Variants in YIPF1 observed in about 807,000 individuals in gnomAD.
YIPF1 encodes Yip1 domain family member 1.
YIPF1 carries 22 observed loss-of-function variants against 37.0 expected under a neutral mutation model. The ratio of observed to expected loss-of-function variants is 0.59; its 90% CI spans 0.42 to 0.85. YIPF1 has a LOEUF of 0.85. Among genes scored for constraint, YIPF1 ranks in the 40% least tolerant of loss-of-function variants. The probability of loss-of-function intolerance (pLI) is 0.00; values close to 1 mark genes in which losing one functional copy is unlikely to be tolerated. For missense variants in YIPF1, 355 were observed against 373.1 expected, an observed-to-expected ratio of 0.95 and a Z score of 0.40; for synonymous variants, 128 against 131.9, an observed-to-expected ratio of 0.97 and a Z score of 0.21.
At chr1:53,863,792 T>C (rs1445967648) in intron 9 of YIPF1, among the ~76,000 whole-genome samples, 2 of 152,064 alleles carry the variant, frequency 1.3e-5, no homozygotes, top group African/African-American at 4.8e-5. Flanking sequence ...CAGGCTGGAG[T>C]GCAGTGGCGC....
At chr1:53,874,230 G>A (rs1020444414) in intron 6 of YIPF1, among the ~76,000 whole-genome samples, 1 of 152,098 alleles carries the variant, frequency 6.6e-6, no homozygotes, top group Admixed American at 6.6e-5. Flanking sequence ...GTGGAAGGCT[G>A]GACTCCAGAG....
chr1:53,863,277 G>A (rs1424280506), intron 9 of YIPF1, among the ~76,000 whole-genome samples: 3 of 152,232 alleles, frequency 2.0e-5, no homozygotes, highest in Middle Eastern at 3.4e-3. Flanking sequence ...AACAAGGAAG[G>A]GCATTGTCAT....
intron 3 of YIPF1, among the ~76,000 whole-genome samples, chr1:53,887,256 T>C (rs1277933463): frequency 6.6e-6 from 1 of 151,870 alleles, no homozygotes; most frequent in Non-Finnish European, 1.5e-5. Flanking sequence ...ATTTTTGTAT[T>C]TTTAGTGGAG....
chr1:53,863,341 C>T (rs985184896), intron 9 of YIPF1, among the ~76,000 whole-genome samples: 2 of 152,304 alleles, frequency 1.3e-5, no homozygotes, highest in South Asian at 4.1e-4. Flanking sequence ...GACCTTGGAC[C>T]ACTCTTACTT....
chr1:53,873,948 C>A (rs775341590), intron 6 of YIPF1, among the ~76,000 whole-genome samples: 1 of 152,188 alleles, frequency 6.6e-6, no homozygotes, highest in East Asian at 1.9e-4. Flanking sequence ...AACTCTGGCA[C>A]GGGAACAGCT....
At chr1:53,852,691 T>C (rs1249020362) in intron 10 of YIPF1, among the ~76,000 whole-genome samples, 1 of 152,014 alleles carries the variant, frequency 6.6e-6, no homozygotes, top group East Asian at 1.9e-4. Flanking sequence ...ATACAGGAGA[T>C]AATGGCAGGA....
intron 3 of YIPF1, among the ~76,000 whole-genome samples, chr1:53,887,732 C>A (rs1184558113): frequency 1.3e-5 from 2 of 152,160 alleles, no homozygotes; most frequent in Non-Finnish European, 2.9e-5. Flanking sequence ...AGCTGTGATA[C>A]CAGACTGGAT....
chr1:53,888,761 C>T (rs1650723125), intron 3 of YIPF1, 146 bp downstream of exon 3: 1 of 767,438 alleles, frequency 1.3e-6, no homozygotes, highest in East Asian at 2.7e-5. Flanking sequence ...TGTGGACAAA[C>T]AGGAAACACC....
At chr1:53,859,678 A>G (rs567001665) in intron 10 of YIPF1, among the ~76,000 whole-genome samples, 1 of 152,332 alleles carries the variant, frequency 6.6e-6, no homozygotes, top group South Asian at 2.1e-4. Flanking sequence ...AAAGAAAAAA[A>G]GAAAGTAAGA....
In YIPF1 at chr1:53,866,249, G is replaced by A; in HGVS notation, c.782C>T (p.Thr261Ile). 6.2e-7 allele frequency: 1 copy of A among 1,614,198 alleles called. No homozygotes were observed. Among genetic ancestry groups the A allele is most frequent in the Non-Finnish European group, 8.5e-7 (1 of 1,180,028 alleles). The change falls in exon 9 of 11, where the codon ACA becomes ATA. Residue 261 changes from threonine (T) to isoleucine (I), a missense_variant. By Grantham distance (89) the Thr-to-Ile change is moderately conservative. Transcript: ENST00000072644. ...ATGGAGCAACACAATTGTCACAATT[G>A]TGGCCAATGCAACGCGTCGGTTATC... is the stretch of plus-strand genomic sequence containing the variant. ...REDNRRVALA[T>I]IVTIVLLHML...
intron 3 of YIPF1, 121 bp from the exon 4 acceptor site, chr1:53,883,397 G>A (rs1650557506): frequency 1.7e-6 from 2 of 1,147,308 alleles, no homozygotes; most frequent in East Asian, 3.2e-5. Flanking sequence ...CTGATACAAA[G>A]GGCAAAAGCT....
intron 9 of YIPF1, among the ~76,000 whole-genome samples, chr1:53,863,269 C>T (rs1649931178): frequency 6.6e-6 from 1 of 152,132 alleles, no homozygotes; most frequent in African/African-American, 2.4e-5. Context: ...TGAGAGGCAA[C>T]AAGGAAGGGC....
At position 53,875,890 on chromosome 1, in the gene YIPF1, C is replaced by T. The variant is rs547240371; in HGVS notation, c.364+2425G>A. ...ACACTTCATGTCCTTCTTCTCTCTG[C>T]TATTAAATTTTCACCTAAGCATTCA... is the stretch of plus-strand genomic sequence containing the variant. On this transcript the variant is annotated intron_variant, in intron 6 of 10. Transcript: ENST00000072644. Among the ~76,000 whole-genome samples, 115 of 152,310 alleles carry T rather than the reference C, an allele frequency of 7.6e-4. 2 individuals are homozygous for T. In the South Asian group the frequency reaches 0.022, roughly 29 times the overall value.
At chr1:53,865,843 T>C (rs1419681016) in intron 9 of YIPF1, among the ~76,000 whole-genome samples, 1 of 152,086 alleles carries the variant, frequency 6.6e-6, no homozygotes, top group African/African-American at 2.4e-5. Flanking sequence ...AGTACAGTGG[T>C]ATGATCTCAG....
chr1:53,862,310 A>G (rs12744108), intron 9 of YIPF1, among the ~76,000 whole-genome samples: 5,015 of 152,262 alleles, frequency 0.033, 142 homozygotes, highest in East Asian at 0.12. Flanking sequence ...TGCTCTTCTA[A>G]TTCTCCAACA....
intron 3 of YIPF1, among the ~76,000 whole-genome samples, chr1:53,888,008 A>T (rs1452033113): frequency 6.6e-6 from 1 of 152,182 alleles, no homozygotes; most frequent in Non-Finnish European, 1.5e-5. Flanking sequence ...TGGGTGGATC[A>T]CAAGGTCAGA....
intron 6 of YIPF1, among the ~76,000 whole-genome samples, chr1:53,875,026 T>C (rs1376559133): frequency 6.6e-6 from 1 of 152,176 alleles, no homozygotes; most frequent in African/African-American, 2.4e-5. Context: ...TGTTGTTCCA[T>C]ATATATGTGA....
At chr1:53,876,294 G>T (rs76103914) in intron 6 of YIPF1, among the ~76,000 whole-genome samples, 1 of 151,978 alleles carries the variant, frequency 6.6e-6, no homozygotes, top group African/African-American at 2.4e-5. Flanking sequence ...TATGTCCCCT[G>T]GTCTGTGGTT....
At chr1:53,888,593 T>C (rs1359493335) in intron 3 of YIPF1, among the ~76,000 whole-genome samples, 1 of 152,232 alleles carries the variant, frequency 6.6e-6, no homozygotes, top group Non-Finnish European at 1.5e-5. Context: ...TCCAGTATCT[T>C]GTACGGTTCT....
Sources: gnomAD v4.1 joint callset for allele counts (sites outside exome capture counted in the v4.1 genomes callset) on GRCh38, gnomAD v4.1.1 for gene constraint, MANE v1.5 for transcripts, NCBI Gene and HGNC (gene_info 2026-07-23, HGNC 2026-07-21) for gene names.